Variants in SLC9A7 observed in about 807,000 individuals in gnomAD.
The protein encoded by SLC9A7 is solute carrier family 9 member A7.
A neutral mutation model predicts 52.6 loss-of-function variants in SLC9A7; 19 were observed. The ratio of observed to expected loss-of-function variants is 0.36; its 90% CI spans 0.25 to 0.53. The LOEUF (loss-of-function observed/expected upper bound fraction) is 0.53. Ranked by LOEUF, SLC9A7 falls within the 20% of genes least tolerant of loss-of-function variation. The probability of loss-of-function intolerance (pLI) is 0.91; values close to 1 mark genes in which losing one functional copy is unlikely to be tolerated. For missense variants in SLC9A7, 455 were observed against 597.9 expected (o/e 0.76, Z 2.49); for synonymous variants, 226 against 252.1 (o/e 0.90, Z 0.98).
At chrX:46,726,498 A>G (rs921130881) in intron 1 of SLC9A7, among the ~76,000 whole-genome samples, 1 of 110,424 alleles carries the variant, frequency 9.1e-6, no homozygotes, top group Non-Finnish European at 1.9e-5. Context: ...AAGGCAGATG[A>G]TCCTCCCTAT....
intron 14 of SLC9A7, among the ~76,000 whole-genome samples, chrX:46,623,931 G>A (rs971124667): frequency 8.9e-6 from 1 of 111,812 alleles, no homozygotes; most frequent in African/African-American, 3.3e-5. Context: ...GTAATTAGAG[G>A]ATTGGAACTT....
At position 46,711,078 on chromosome X, in the gene SLC9A7, T is replaced by G. The variant is rs371841653; in HGVS notation, c.326-28543A>C. On this transcript the variant is annotated intron_variant, in intron 1 of 16. Transcript: ENST00000616978. ...CTTTTGAGCCAGCAATGGCATTGTC[T>G]AGAGTCTGGGCAAATGGAGAAGGCC... Among the ~76,000 whole-genome samples the G allele has an allele frequency of 5.7e-4, 65 of 113,048 alleles. 2 individuals are homozygous for G. The highest frequency in any genetic ancestry group is 5.6e-3 in the East Asian group (20 of 3,582).
At chrX:46,616,409 T>C (rs1258256794) in intron 15 of SLC9A7, among the ~76,000 whole-genome samples, 1 of 109,416 alleles carries the variant, frequency 9.1e-6, no homozygotes, top group Admixed American at 9.8e-5. Context: ...CATCATTGCA[T>C]GAATGCTGTT....
chrX:46,695,809 T>C (rs1944440839), intron 1 of SLC9A7, among the ~76,000 whole-genome samples: 1 of 109,954 alleles, frequency 9.1e-6, no homozygotes, highest in Non-Finnish European at 1.9e-5. Context: ...AAAACATATT[T>C]GCTCGCTGGC....
intron 1 of SLC9A7, among the ~76,000 whole-genome samples, chrX:46,749,727 T>C (rs1262924492): frequency 1.8e-5 from 2 of 111,296 alleles, no homozygotes; most frequent in Admixed American, 9.6e-5. Flanking sequence ...CTTGTCATCC[T>C]GCCTCATTCC....
At chrX:46,627,967 C>T (rs1258226978) in intron 14 of SLC9A7, among the ~76,000 whole-genome samples, 3 of 112,213 alleles carry the variant, frequency 2.7e-5, no homozygotes, top group African/African-American at 6.5e-5. Context: ...CATATGTGAA[C>T]GCAACAATAA....
chrX:46,691,604 T>C (rs2146893388), intron 1 of SLC9A7, among the ~76,000 whole-genome samples: 1 of 112,452 alleles, frequency 8.9e-6, no homozygotes, highest in Non-Finnish European at 1.9e-5. Flanking sequence ...GCTGTACAAA[T>C]GCTGCTTTTT....
chrX:46,651,656 C>T (rs1011075336), intron 8 of SLC9A7, among the ~76,000 whole-genome samples: 17 of 109,319 alleles, frequency 1.6e-4, no homozygotes, highest in African/African-American at 4.7e-4. Context: ...GGTAAAACCC[C>T]ATCTCTACCA....
chrX:46,607,617 C>T (rs1942772015), intron 16 of SLC9A7, among the ~76,000 whole-genome samples: 1 of 110,950 alleles, frequency 9.0e-6, no homozygotes, highest in African/African-American at 3.3e-5. Flanking sequence ...CGTCTCCAAC[C>T]CGTCTTGTTT....
intron 5 of SLC9A7, among the ~76,000 whole-genome samples, chrX:46,669,035 G>C (rs1943973073): frequency 9.2e-6 from 1 of 109,052 alleles, no homozygotes; most frequent in Non-Finnish European, 1.9e-5. Flanking sequence ...AGGCGTGGTG[G>C]CAGGCGCCTG....
chrX:46,736,361 C>T (rs1253091314), intron 1 of SLC9A7, among the ~76,000 whole-genome samples: 5 of 111,404 alleles, frequency 4.5e-5, no homozygotes, highest in Admixed American at 2.9e-4. Flanking sequence ...TCCATTAGAG[C>T]TTCAAAAATA....
chrX:46,647,032 T>A (rs1943504692), intron 11 of SLC9A7: 1 of 330,270 alleles, frequency 3.0e-6, no homozygotes, highest in African/African-American at 2.6e-5. Context: ...CAGCAGTTTC[T>A]GCTTTACGGA....
Position 46,643,317 on chromosome X carries a change from G to A in SLC9A7, c.1535C>T (p.Thr512Met), listed in dbSNP as rs780578762. ...TASYARQMMF[T>M]TTLLIVFFTV... Reference sequence around the variant, plus strand: ...GAAGAACACAATGAGAAGGGTGGTCGTGAACATCATCTGGCGAGCATAGGA... The same window carrying A: ...GAAGAACACAATGAGAAGGGTGGTCATGAACATCATCTGGCGAGCATAGGA... The change falls in exon 12 of 17, where the codon ACG becomes ATG. Residue 512 changes from threonine to methionine, a missense_variant. Thr to Met is a moderately conservative substitution (Grantham distance 81, BLOSUM62 -1). This residue lies in a region of SLC9A7 where 5 missense variants were observed against 19.6 expected (regional missense o/e 0.25). Transcript: ENST00000616978. The A allele has an allele frequency of 5.8e-6, 7 of 1,208,834 alleles. No homozygotes were observed. Among genetic ancestry groups the A allele is most frequent in the African/African-American group, 1.7e-5 (1 of 57,163 alleles).
chrX:46,746,329 A>AAAAC (rs1287969956), intron 1 of SLC9A7, among the ~76,000 whole-genome samples: 47 of 110,993 alleles, frequency 4.2e-4, no homozygotes, highest in Non-Finnish European at 5.5e-4. Flanking sequence ...ACACCATCTC[A>AAAAC]AAACAAACAA....
Position 46,602,651 on chromosome X carries a change from T to A in SLC9A7, c.*4301A>T, listed in dbSNP as rs1223802172. 1 of 112,524 alleles carries A rather than the reference T, an allele frequency of 8.9e-6. No individual in the cohort carries two copies. Among genetic ancestry groups the A allele is most frequent in the Non-Finnish European group, 1.9e-5 (1 of 53,288 alleles). The allele number at this position is 112,524 out of a possible 1,213,427, so 9.3% of individuals were successfully genotyped here. A position where few individuals can be genotyped will look rare whatever the true frequency, so the allele number is the denominator to read the frequency against. On this transcript the variant is annotated 3_prime_UTR_variant, in exon 17 of 17. Coordinates refer to ENST00000616978, the MANE Select transcript of SLC9A7 (RefSeq NM_001257291.2). Reference sequence around the variant, plus strand: ...AACATCGGACTCGGCTGAACTGTCGTCCCCACCAACCCAGAACAAATACGT... The same window carrying A: ...AACATCGGACTCGGCTGAACTGTCGACCCCACCAACCCAGAACAAATACGT...
intron 1 of SLC9A7, among the ~76,000 whole-genome samples, chrX:46,710,027 G>A (rs1161130938): frequency 8.9e-6 from 1 of 112,367 alleles, no homozygotes; most frequent in Non-Finnish European, 1.9e-5. Flanking sequence ...AAGGGAGGCC[G>A]GTTTTTCAGT....
chrX:46,688,672 C>T (rs1944335582), intron 1 of SLC9A7, among the ~76,000 whole-genome samples: 1 of 109,971 alleles, frequency 9.1e-6, no homozygotes, highest in Non-Finnish European at 1.9e-5. Flanking sequence ...ATGATCATAC[C>T]TGTTTTAGAG....
chrX:46,684,511 C>A (rs1207990713), intron 1 of SLC9A7, among the ~76,000 whole-genome samples: 2 of 111,668 alleles, frequency 1.8e-5, no homozygotes, highest in Non-Finnish European at 3.8e-5. Flanking sequence ...GGCCCCAGAC[C>A]TTTTAAAAAA....
rs2146870204 is a variant in SLC9A7, at chrX:46,682,382, C to A, written c.479G>T (p.Ser160Ile). The change falls in exon 2 of 17, where the codon AGT (serine) becomes ATT (isoleucine). Residue 160 changes from serine (S) to isoleucine (I), a missense_variant. Transcript: ENST00000616978. Reference protein sequence around the residue: ...FFEYTLKGEISPGKINSVEQN... With the variant: ...FFEYTLKGEIIPGKINSVEQN... ...CTCTACGCTGTTGATCTTGCCAGGA[C>A]TGATTTCTCCTTTCAGAGTGTATTC... 3 of 1,211,602 alleles carry A rather than the reference C, an allele frequency of 2.5e-6. No homozygotes were observed. The highest frequency in any genetic ancestry group is 3.4e-6 in the Non-Finnish European group (3 of 895,451).
Sources: allele counts gnomAD v4.1 joint callset (sites outside exome capture counted in the v4.1 genomes callset), GRCh38; gene constraint gnomAD v4.1.1; regional missense constraint gnomAD v4.1.1; transcripts MANE v1.5; gene names NCBI Gene and HGNC (gene_info 2026-07-23, HGNC 2026-07-21).